The following IFNLR1 variants were observed in gnomAD, a reference collection of about 807,000 sequenced individuals.
IFNLR1 encodes the protein interferon lambda receptor 1.
IFNLR1 carries 28 observed loss-of-function variants against 52.5 expected under a neutral mutation model. The ratio of observed to expected loss-of-function variants is 0.53; its 90% CI spans 0.40 to 0.73. The LOEUF (loss-of-function observed/expected upper bound fraction) is 0.73, where lower values mean the gene tolerates loss of function less well. IFNLR1 is among the 30% of genes least tolerant of loss of function. The probability of loss-of-function intolerance (pLI) is 0.00; values close to 1 mark genes in which losing one functional copy is unlikely to be tolerated. For missense variants in IFNLR1, 623 were observed against 659.1 expected, an observed-to-expected ratio of 0.95 and a Z score of 0.60; for synonymous variants, 276 against 274.9, an observed-to-expected ratio of 1.00 and a Z score of -0.04.
At chr1:24,171,203 A>T (rs552242472) in intron 2 of IFNLR1, among the ~76,000 whole-genome samples, 171 of 152,376 alleles carry the variant, frequency 1.1e-3, no homozygotes, top group Non-Finnish European at 1.7e-3. Flanking sequence ...CACTTACAAC[A>T]AGAAATTTTA....
chr1:24,171,074 AATG>A (rs1225420192), intron 2 of IFNLR1, among the ~76,000 whole-genome samples: 1 of 152,240 alleles, frequency 6.6e-6, no homozygotes, highest in East Asian at 1.9e-4. Context: ...AACATTAGAT[AATG>A]ATAAATGATT....
At position 24,162,916 on chromosome 1, in the gene IFNLR1, C is replaced by T. The variant is rs1379985352; in HGVS notation, c.368-1232G>A. Among the ~76,000 whole-genome samples the T allele has an allele frequency of 6.1e-3, 456 of 74,682 alleles. 12 individuals are homozygous for T. Among genetic ancestry groups the T allele is most frequent in the Middle Eastern group, 0.02 (3 of 148 alleles). The allele number at this position is 74,682 out of a possible 152,430, so 49.0% of individuals were successfully genotyped here. A position where few individuals can be genotyped will look rare whatever the true frequency, so the allele number is the denominator to read the frequency against. Reference sequence around the variant, plus strand: ...CCTTCCTTCCTTCCTTCCTTCCTTCCTTTTCTTTCTTTTCTTTCTTTCTCT... The same window carrying T: ...CCTTCCTTCCTTCCTTCCTTCCTTCTTTTTCTTTCTTTTCTTTCTTTCTCT... On this transcript the variant is annotated intron_variant, in intron 3 of 6. Transcript: ENST00000327535.
chr1:24,161,785 A>G, intron 3 of IFNLR1, 101 bp from the exon 4 acceptor site: 7 of 1,222,172 alleles, frequency 5.7e-6, no homozygotes, highest in South Asian at 1.6e-5. Flanking sequence ...AGCAACTAGC[A>G]TGTTTCAAAC....
Position 24,155,559 on chromosome 1 carries a change from C to G in IFNLR1, c.*1571G>C, listed in dbSNP as rs999543444. On this transcript the variant is annotated 3_prime_UTR_variant, in exon 7 of 7. Coordinates refer to ENST00000327535, the MANE Select transcript of IFNLR1 (RefSeq NM_170743.4). Reference sequence around the variant, plus strand: ...AGGCTGCTCTGGTGAAAGTGGGAGGCTCCTATAGCCCCATGGCGCCCCCTG... The same window carrying G: ...AGGCTGCTCTGGTGAAAGTGGGAGGGTCCTATAGCCCCATGGCGCCCCCTG... 1 of 152,276 alleles carries G rather than the reference C, an allele frequency of 6.6e-6. No homozygotes were observed. Among genetic ancestry groups the G allele is most frequent in the Non-Finnish European group, 1.5e-5 (1 of 68,068 alleles). 9.4% of individuals were successfully genotyped at this position (152,276 alleles called of 1,614,324 possible).
chr1:24,165,227 G>A (rs550977278), intron 3 of IFNLR1, among the ~76,000 whole-genome samples: 1 of 152,144 alleles, frequency 6.6e-6, no homozygotes, highest in South Asian at 2.1e-4. Flanking sequence ...ATTTTATTTG[G>A]AAACCTTCTC....
intron 5 of IFNLR1, 96 bp downstream of exon 5, chr1:24,159,378 C>G (rs1304737223): frequency 7.6e-7 from 1 of 1,313,328 alleles, no homozygotes. Context: ...TTAATCCAGG[C>G]GAGTCTATCT....
chr1:24,157,338 C>T lies in IFNLR1; in HGVS notation c.1355G>A (p.Gly452Asp), dbSNP rs769691662. ...EDNLSSWATWGTLPPEPNLVP... is the reference protein window; with the variant it reads ...EDNLSSWATWDTLPPEPNLVP... ...CAGATTCGGCTCCGGTGGTAAGGTG[C>T]CCCAGGTGGCCCAGGAGGAGAGGTT... is the stretch of plus-strand genomic sequence containing the variant. The change falls in exon 7 of 7, where the codon GGC becomes GAC. Residue 452 changes from glycine to aspartate, a missense_variant. Transcript: ENST00000327535. This position sits in a 1 kb window ranked among gnomAD's most constrained non-coding sequence, Gnocchi z 5.1. The T allele has an allele frequency of 1.9e-6, 3 of 1,614,158 alleles. No individual in the cohort carries two copies. The highest frequency in any genetic ancestry group is 2.5e-6 in the Non-Finnish European group (3 of 1,180,016).
chr1:24,187,267 T>C lies in IFNLR1; in HGVS notation c.-19A>G. 2 of 1,262,040 alleles carry C rather than the reference T, an allele frequency of 1.6e-6. No individual in the cohort carries two copies. Among genetic ancestry groups the C allele is most frequent in the South Asian group, 2.8e-5 (1 of 36,350 alleles). The allele number at this position is 1,262,040 out of a possible 1,614,324, so 78.2% of individuals were successfully genotyped here. ...CCGCCATGGCCTTCCTGCCGCGGCG[T>C]CCCCGCCCGGGCCCAGGTCCCCGCC... On this transcript the variant is annotated 5_prime_UTR_variant, in exon 1 of 7. Transcript: ENST00000327535.
At chr1:24,160,925 T>C (rs1644435980) in intron 4 of IFNLR1, among the ~76,000 whole-genome samples, 1 of 151,074 alleles carries the variant, frequency 6.6e-6, no homozygotes, top group African/African-American at 2.4e-5. Flanking sequence ...TGTTTCACCA[T>C]GTTCCCCAGG....
At chr1:24,168,332 T>G (rs2148594208) in intron 3 of IFNLR1, among the ~76,000 whole-genome samples, 1 of 152,294 alleles carries the variant, frequency 6.6e-6, no homozygotes, top group East Asian at 1.9e-4. Context: ...AAGCCTTATT[T>G]TGTCCTTGAA....
Position 24,169,458 on chromosome 1 carries a change from G to C in IFNLR1, c.326C>G (p.Ser109Cys). The C allele has an allele frequency of 6.2e-7, 1 of 1,614,210 alleles. No individual in the cohort carries two copies. The highest frequency in any genetic ancestry group is 8.5e-7 in the Non-Finnish European group (1 of 1,180,044). ...RVRTVSPSSK[S>C]PWVESEYLDY... ...CAGGTATTCGGACTCCACCCAGGGG[G>C]ACTTGGAGCTGGGAGAAACCGTCCG... is the stretch of plus-strand genomic sequence containing the variant. Residue 109 changes from serine to cysteine, a missense_variant, in exon 3 of 7, where the codon TCC becomes TGC. By Grantham distance (112) the Ser-to-Cys change is moderately radical. Transcript: ENST00000327535.
At chr1:24,187,022 T>C (rs545879111) in intron 1 of IFNLR1, among the ~76,000 whole-genome samples, 169 bp downstream of exon 1, 12 of 152,338 alleles carry the variant, frequency 7.9e-5, no homozygotes, top group African/African-American at 2.6e-4. Flanking sequence ...CCCGGTTCTG[T>C]TCAGTCCTGG....
intron 4 of IFNLR1, 93 bp from the exon 5 acceptor site, chr1:24,159,726 G>GTTTTTTTTTTTTTGGTT (rs6143167): frequency 1.3e-6 from 1 of 745,034 alleles, no homozygotes; most frequent in African/African-American, 1.9e-5. Flanking sequence ...ATGGTAGGGT[G>GTTTTTTTTTTTTTGGTT]TTTTTTTTTT....
In IFNLR1 at chr1:24,156,912, C is replaced by T. The variant is rs528275912; in HGVS notation, c.*218G>A. 2 of 582,596 alleles carry T rather than the reference C, an allele frequency of 3.4e-6. No homozygotes were observed. Among genetic ancestry groups the T allele is most frequent in the South Asian group, 2.2e-5 (1 of 45,422 alleles). The allele number at this position is 582,596 out of a possible 1,614,324, so 36.1% of individuals were successfully genotyped here. On this transcript the variant is annotated 3_prime_UTR_variant, in exon 7 of 7. Coordinates refer to ENST00000327535, the MANE Select transcript of IFNLR1 (RefSeq NM_170743.4). ...TGACCTCAGCCCACCCTGTGTCCAC[C>T]CCTCTTATAGCTCAGCCTAAAGAGG...
rs1203415347 is a variant in IFNLR1, at chr1:24,154,757, T to C, written c.*2373A>G. On this transcript the variant is annotated 3_prime_UTR_variant, in exon 7 of 7. Transcript: ENST00000327535. ...GTCTCTACTAAAAATACAAAAAAAT[T>C]AGCCAGGTGTGGTGGCGGGTGCCTG... The C allele has an allele frequency of 6.6e-6, 1 of 152,150 alleles. No homozygotes were observed. 9.4% of individuals were successfully genotyped at this position (152,150 alleles called of 1,614,324 possible). A position where few individuals can be genotyped will look rare whatever the true frequency, so the allele number is the denominator to read the frequency against.
At chr1:24,161,489 A>C in intron 4 of IFNLR1, 53 bp downstream of exon 4, 1 of 1,549,566 alleles carries the variant, frequency 6.5e-7, no homozygotes, top group Non-Finnish European at 8.7e-7. Context: ...GAACCTGAGT[A>C]AGAAGGGGTG....
chr1:24,159,232 C>T, intron 5 of IFNLR1, 50 bp from the exon 6 acceptor site: 1 of 1,604,816 alleles, frequency 6.2e-7, no homozygotes, highest in Non-Finnish European at 8.5e-7. Context: ...CTCTTGTCTA[C>T]AACTGCACCT....
chr1:24,183,709 A>C (rs1339118589), intron 1 of IFNLR1, among the ~76,000 whole-genome samples: 1 of 152,152 alleles, frequency 6.6e-6, no homozygotes, highest in Non-Finnish European at 1.5e-5. Flanking sequence ...ATCTCACTCC[A>C]GGTAAACTCA....
chr1:24,171,837 G>A (rs1414220327), intron 2 of IFNLR1, among the ~76,000 whole-genome samples: 1 of 151,550 alleles, frequency 6.6e-6, no homozygotes, highest in Non-Finnish European at 1.5e-5. Context: ...TTATATTTTA[G>A]TAGAGATGGG....
Sources: gnomAD v4.1 joint callset for allele counts (sites outside exome capture counted in the v4.1 genomes callset) on GRCh38, gnomAD v4.1.1 for gene constraint, Gnocchi (gnomAD v3.1) non-coding constraint, MANE v1.5 for transcripts, NCBI Gene and HGNC (gene_info 2026-07-23, HGNC 2026-07-21) for gene names.